Variants in SETDB2 observed in about 807,000 individuals in gnomAD.
The protein encoded by SETDB2 is SET domain bifurcated histone lysine methyltransferase 2.
SETDB2 carries 56 observed loss-of-function variants against 82.5 expected under a neutral mutation model. That is an observed-to-expected ratio of 0.68 (90% CI 0.55 to 0.85). The LOEUF (loss-of-function observed/expected upper bound fraction) is 0.85, where lower values mean the gene tolerates loss of function less well. Ranked by LOEUF, SETDB2 falls within the 40% of genes least tolerant of loss-of-function variation. SETDB2 has a pLI of 0.00. For synonymous variants in SETDB2, 272 were observed against 284.9 expected (o/e 0.95, Z 0.46); for missense variants, 677 against 816.4 (o/e 0.83, Z 2.08).
At chr13:49,480,859 T>G in intron 7 of SETDB2, 88 bp from the exon 8 acceptor site, 1 of 1,394,436 alleles carries the variant, frequency 7.2e-7, no homozygotes, top group Non-Finnish European at 9.9e-7. Flanking sequence ...TTTAGCCTGC[T>G]TCCCTCAGTA....
intron 2 of SETDB2, among the ~76,000 whole-genome samples, chr13:49,453,563 G>T (rs1957822366): frequency 2.0e-5 from 3 of 152,096 alleles, no homozygotes; most frequent in Admixed American, 6.5e-5. Context: ...CTCCCAAAGC[G>T]CTGGGATTAC....
Position 49,467,974 on chromosome 13 carries a change from T to C in SETDB2, c.305+14T>C, listed in dbSNP as rs549743752. The C allele has an allele frequency of 1.5e-4, 227 of 1,528,590 alleles. No individual in the cohort carries two copies. The South Asian group carries it at 2.6e-3, about 17-fold the overall frequency. 94.7% of individuals were successfully genotyped at this position (1,528,590 alleles called of 1,614,324 possible). On this transcript the variant is annotated intron_variant, in intron 5 of 13. Transcript: ENST00000611815. ...CTGTACATTTCTGTATGTATATAAA[T>C]TCTTTGTTATTAATGCTTTTGCTCC... is the stretch of plus-strand genomic sequence containing the variant.
intron 1 of SETDB2, among the ~76,000 whole-genome samples, chr13:49,451,187 T>A (rs1478539321): frequency 6.6e-6 from 1 of 151,180 alleles, no homozygotes; most frequent in Non-Finnish European, 1.5e-5. Context: ...TCCTTGAATC[T>A]TTCGTATGTC....
rs1958728162 is a variant in SETDB2 at position 49,492,286 on chromosome 13, A to C, written c.*437A>C. 5.5e-6 allele frequency: 1 copy of C among 180,694 alleles called. No homozygotes were observed. The highest frequency in any genetic ancestry group is 2.4e-5 in the African/African-American group (1 of 41,626). 11.2% of individuals were successfully genotyped at this position (180,694 alleles called of 1,614,324 possible). ...ATTTTTAATTCCTGGCAAATAATTT[A>C]CCATTATGAGCTACAAGGTGGGCAA... On this transcript the variant is annotated 3_prime_UTR_variant, in exon 14 of 14. Coordinates refer to ENST00000611815, the MANE Select transcript of SETDB2 (RefSeq NM_001160308.3).
chr13:49,462,487 T>C (rs780878136), intron 4 of SETDB2, among the ~76,000 whole-genome samples: 6 of 152,044 alleles, frequency 3.9e-5, no homozygotes, highest in Non-Finnish European at 8.8e-5. Context: ...ATTAGAAGGG[T>C]TTTAGGAATT....
chr13:49,451,401 ATAATGTTTT>A (rs1327431712), intron 1 of SETDB2, among the ~76,000 whole-genome samples, 143 bp from the exon 2 acceptor site: 2 of 149,810 alleles, frequency 1.3e-5, no homozygotes, highest in Non-Finnish European at 3.0e-5. Context: ...TCCAGATAAC[ATAATGTTTT>A]TTTGTAATGG....
chr13:49,478,445 A>T (rs1018810792), intron 6 of SETDB2, among the ~76,000 whole-genome samples: 1 of 152,188 alleles, frequency 6.6e-6, no homozygotes, highest in African/African-American at 2.4e-5. Context: ...GAAAGCACCC[A>T]ATGTAGAGCA....
chr13:49,464,013 C>A lies in SETDB2; in HGVS notation c.208+2851C>A, dbSNP rs199757682. ...TTATTTTTCTTTCTTTAATTCCCTG[C>A]CTCACAGGAGCATCACAGAAAGAAG... is the stretch of plus-strand genomic sequence containing the variant. On this transcript the variant is annotated intron_variant, in intron 4 of 13. Transcript: ENST00000611815. 457 of 764,380 alleles carry A rather than the reference C, an allele frequency of 6.0e-4. No homozygotes were observed. Among genetic ancestry groups the A allele is most frequent in the Non-Finnish European group, 8.6e-4 (350 of 409,210 alleles). The allele number at this position is 764,380 out of a possible 1,614,324, so 47.3% of individuals were successfully genotyped here.
intron 1 of SETDB2, chr13:49,446,496 C>T: frequency 2.4e-6 from 1 of 423,678 alleles, no homozygotes; most frequent in South Asian, 1.7e-5. Context: ...AATACTGTTA[C>T]ATATTCTATA....
At chr13:49,490,279 CAAAAAAA>C (rs60013535) in intron 12 of SETDB2, among the ~76,000 whole-genome samples, 6 of 83,180 alleles carry the variant, frequency 7.2e-5, no homozygotes, top group African/African-American at 1.4e-4. Flanking sequence ...GACTCCGTCT[CAAAAAAA>C]AAAAAAAAAA....
At chr13:49,453,447 C>T (rs1400771566) in intron 2 of SETDB2, among the ~76,000 whole-genome samples, 3 of 151,974 alleles carry the variant, frequency 2.0e-5, no homozygotes, top group Non-Finnish European at 4.4e-5. Context: ...CAGGTGTGTG[C>T]CGCCACGCCC....
At chr13:49,463,875 G>T in intron 4 of SETDB2, 4 of 626,970 alleles carry the variant, frequency 6.4e-6, no homozygotes, top group Non-Finnish European at 1.1e-5. Flanking sequence ...ATTCCTTTGT[G>T]TCCTGGCTTC....
chr13:49,494,669 GGGTC>G lies in SETDB2; in HGVS notation c.*2821_*2824del. 1.4e-3 allele frequency: 1 copy of G among 706 alleles called. No individual in the cohort carries two copies. Among genetic ancestry groups the G allele is most frequent in the South Asian group, 0.031 (1 of 32 alleles). 0.0% of individuals were successfully genotyped at this position (706 alleles called of 1,614,324 possible). On this transcript the variant is annotated 3_prime_UTR_variant, in exon 14 of 14. Transcript: ENST00000611815. ...AAAAAAATTTAAAAATTGGCTGCTA[GGGTC>G]TGTCTGCTCACTTCCCTGTTTTGCA...
rs1957787619 is a variant in SETDB2 at position 49,451,570 on chromosome 13, TG to T, written c.-322del. 1 of 162,274 alleles carries T rather than the reference TG, an allele frequency of 6.2e-6. No individual in the cohort carries two copies. Among genetic ancestry groups the T allele is most frequent in the African/African-American group, 2.4e-5 (1 of 41,654 alleles). The allele number at this position is 162,274 out of a possible 1,614,324, so 10.1% of individuals were successfully genotyped here. ...CCTTACAGAATGTTTCATCCATTTG[TG>T]GACCAAAAGATGGAGTTGGTTTTTA... On this transcript the variant is annotated 5_prime_UTR_variant, in exon 2 of 14. It introduces an in-frame stop codon into an upstream open reading frame of the 5' UTR. Transcript: ENST00000611815.
chr13:49,465,341 T>G (rs930633168), intron 4 of SETDB2, among the ~76,000 whole-genome samples: 1 of 152,242 alleles, frequency 6.6e-6, no homozygotes, highest in African/African-American at 2.4e-5. Flanking sequence ...TAATGTTAAA[T>G]CCTCATGTTT....
chr13:49,485,544 A>T (rs2138982216), intron 10 of SETDB2, 86 bp from the exon 11 acceptor site: 1 of 1,013,246 alleles, frequency 9.9e-7, no homozygotes, highest in South Asian at 1.5e-5. Flanking sequence ...ATAGCCTATG[A>T]TGATTGACAC....
rs1307341763 is a variant in SETDB2 at position 49,476,554 on chromosome 13, A to G, written c.384A>G (p.Leu128=). ...GAGAAAAAGACTCATCTTCGAATTT[A>G]TCTTACCAAAGTCATGACTGCTCTG... ...DFREKDSSSN[L]SYQSHDCSGA... is the part of the protein sequence containing the mutation. Residue 128 remains leucine, a synonymous_variant, in exon 6 of 14, where the codon TTA becomes TTG. Transcript: ENST00000611815. The G allele has an allele frequency of 6.2e-7, 1 of 1,614,038 alleles. No homozygotes were observed. Among genetic ancestry groups the G allele is most frequent in the South Asian group, 1.1e-5 (1 of 91,036 alleles).
chr13:49,457,732 A>G (rs12429883), intron 2 of SETDB2, among the ~76,000 whole-genome samples: 45,576 of 152,018 alleles, frequency 0.3, 7,995 homozygotes, highest in East Asian at 0.42. Context: ...CCTCTAAAAC[A>G]ATTTTAAATG....
At chr13:49,459,249 T>G (rs1957947094) in intron 2 of SETDB2, among the ~76,000 whole-genome samples, 1 of 152,188 alleles carries the variant, frequency 6.6e-6, no homozygotes, top group Admixed American at 6.5e-5. Context: ...GATTCTCCCT[T>G]CTTTGCCAAA....
Sources: gnomAD v4.1 joint callset for allele counts (sites outside exome capture counted in the v4.1 genomes callset) on GRCh38, gnomAD v4.1.1 for gene constraint, MANE v1.5 for transcripts, NCBI Gene and HGNC (gene_info 2026-07-23, HGNC 2026-07-21) for gene names.